The following CDH23 variants were observed in gnomAD, a reference collection of about 807,000 sequenced individuals.
The protein encoded by CDH23 is cadherin related 23.
A neutral mutation model predicts 317.1 loss-of-function variants in CDH23; 189 were observed. The ratio of observed to expected loss-of-function variants is 0.60; its 90% CI spans 0.53 to 0.67. The LOEUF (loss-of-function observed/expected upper bound fraction) is 0.67, where lower values mean the gene tolerates loss of function less well. Ranked by LOEUF, CDH23 falls within the 30% of genes least tolerant of loss-of-function variation. The pLI, the probability that CDH23 is intolerant of heterozygous loss-of-function variation, is 0.00. For missense variants in CDH23, 4,401 were observed against 4,592.4 expected (o/e 0.96, Z 1.20); for synonymous variants, 1,839 against 1,876.8 (o/e 0.98, Z 0.52).
chr10:71,784,162 C>T, intron 41 of CDH23, 125 bp from the exon 42 acceptor site: 4 of 1,006,318 alleles, frequency 4.0e-6, no homozygotes, highest in Non-Finnish European at 4.3e-6. Context: ...CACTGGAGGA[C>T]CCGGGCCCCA....
At chr10:71,451,964 C>T (rs370941348) in intron 3 of CDH23, among the ~76,000 whole-genome samples, 25 of 152,294 alleles carry the variant, frequency 1.6e-4, no homozygotes, top group African/African-American at 5.8e-4. Context: ...ATGTCGGGAG[C>T]GAGGTGTTGG....
Position 71,793,140 on chromosome 10 carries a change from G to A in CDH23, c.6254-42G>A, listed in dbSNP as rs12356672. ...TGTGTCTTGGTAGATCTTTCTGGAA[G>A]AGGCCACTGTGCGCAGCTACTCCCT... On this transcript the variant is annotated intron_variant, in intron 47 of 69. Transcript: ENST00000224721. 6 of 1,455,630 alleles carry A rather than the reference G, an allele frequency of 4.1e-6. No individual in the cohort carries two copies. The African/African-American group carries it at 4.2e-5, about 10-fold the overall frequency. The allele number at this position is 1,455,630 out of a possible 1,614,324, so 90.2% of individuals were successfully genotyped here.
chr10:71,695,290 A>G (rs1023509428), intron 21 of CDH23, 128 bp from the exon 22 acceptor site: 4 of 713,904 alleles, frequency 5.6e-6, no homozygotes, highest in African/African-American at 1.7e-5. Flanking sequence ...AAGGCTCCCA[A>G]GGTTGGTGGA....
At position 71,741,883 on chromosome 10, in the gene CDH23, G is replaced by T. The variant is rs578258738; in HGVS notation, c.4807G>T (p.Val1603Leu). The change falls in exon 38 of 70, where the codon GTG (valine) becomes TTG (leucine). Residue 1603 changes from valine to leucine, a missense_variant. Val to Leu is a conservative substitution (Grantham distance 32, BLOSUM62 1). Transcript: ENST00000224721. ...CGAGCGCCAGAGCTTCTACCACCTGGTGGCCACTGTGGAGGACGAGGGCAC... is the reference window on the plus strand; with the variant it reads ...CGAGCGCCAGAGCTTCTACCACCTGTTGGCCACTGTGGAGGACGAGGGCAC... ...DRERQSFYHL[V>L]ATVEDEGTPT... The T allele has an allele frequency of 2.5e-6, 4 of 1,608,778 alleles. No individual in the cohort carries two copies. The Admixed American group carries it at 6.7e-5, about 27-fold the overall frequency.
chr10:71,552,345 G>A (rs918936505), intron 6 of CDH23, among the ~76,000 whole-genome samples: 4 of 152,236 alleles, frequency 2.6e-5, no homozygotes, highest in Non-Finnish European at 5.9e-5. Flanking sequence ...GGCCTCTGGC[G>A]TCCTGGCTTA....
At chr10:71,695,847 G>A (rs555337192) in intron 22 of CDH23, among the ~76,000 whole-genome samples, 219 of 152,272 alleles carry the variant, frequency 1.4e-3, no homozygotes, top group African/African-American at 4.7e-3. Context: ...CCAGGACTCT[G>A]GCCACCCCCT....
At chr10:71,573,779 T>G (rs934383886) in intron 8 of CDH23, among the ~76,000 whole-genome samples, 7 of 152,216 alleles carry the variant, frequency 4.6e-5, no homozygotes, top group Admixed American at 3.9e-4. Context: ...GAAAAGGCAG[T>G]GCATTGAGGG....
chr10:71,473,123 G>C (rs1390685836), intron 3 of CDH23, among the ~76,000 whole-genome samples: 1 of 152,162 alleles, frequency 6.6e-6, no homozygotes, highest in Non-Finnish European at 1.5e-5. Context: ...CTGGTCACTT[G>C]GCAATAGCAC....
intron 1 of CDH23, among the ~76,000 whole-genome samples, chr10:71,426,543 G>A (rs979659700): frequency 2.0e-5 from 3 of 152,160 alleles, no homozygotes; most frequent in Admixed American, 2.0e-4. Context: ...TTTCTGGCTG[G>A]GAGTGAGAGG....
Position 71,645,709 on chromosome 10 carries a change from A to T in CDH23, c.1141-122A>T, listed in dbSNP as rs532434725. The T allele has an allele frequency of 7.9e-5, 88 of 1,108,544 alleles. 1 individual carries two copies. The South Asian group carries it at 1.0e-3, about 13-fold the overall frequency. 68.7% of individuals were successfully genotyped at this position (1,108,544 alleles called of 1,614,324 possible). ...AAGCCCTGCTCTGTCCCAGCGCCTC[A>T]TCCATTGCCCCAACCAAAGCAGCTC... On this transcript the variant is annotated intron_variant, in intron 12 of 69. Coordinates refer to ENST00000224721, the MANE Select transcript of CDH23 (RefSeq NM_022124.6).
rs761301469 is a variant in CDH23 at position 71,590,887 on chromosome 10, C to CA, written c.832+12904dup. Among the ~76,000 whole-genome samples the CA allele has an allele frequency of 1.6e-3, 150 of 92,774 alleles. 4 individuals are homozygous for CA. The South Asian group carries it at 0.021, about 13-fold the overall frequency. The allele number at this position is 92,774 out of a possible 152,430, so 60.9% of individuals were successfully genotyped here. On this transcript the variant is annotated intron_variant, in intron 9 of 69. Coordinates refer to ENST00000224721, the MANE Select transcript of CDH23 (RefSeq NM_022124.6). ...GACCCTGTCTCTAAAAAAAAAAAAACAAAAAAAAACAAAAAAAAACACCAG... is the reference window on the plus strand; with the variant it reads ...GACCCTGTCTCTAAAAAAAAAAAAACAAAAAAAAAACAAAAAAAAACACCAG...
intron 8 of CDH23, among the ~76,000 whole-genome samples, chr10:71,575,648 C>T (rs1397268289): frequency 6.6e-6 from 1 of 152,206 alleles, no homozygotes; most frequent in East Asian, 1.9e-4. Context: ...CGCACCCTGG[C>T]GCACACCCCA....
chr10:71,429,765 G>T (rs1849282087), intron 1 of CDH23, among the ~76,000 whole-genome samples: 1 of 152,352 alleles, frequency 6.6e-6, no homozygotes, highest in South Asian at 2.1e-4. Flanking sequence ...GAAGAAATCA[G>T]CTCACTGCCA....
At chr10:71,506,908 T>C (rs1233058322) in intron 3 of CDH23, among the ~76,000 whole-genome samples, 1 of 152,086 alleles carries the variant, frequency 6.6e-6, no homozygotes, top group Non-Finnish European at 1.5e-5. Context: ...GGAAAATGGA[T>C]AAAAGTCCGG....
intron 1 of CDH23, among the ~76,000 whole-genome samples, chr10:71,420,524 GTGATGATGA>G (rs1227240365): frequency 4.9e-5 from 1 of 20,356 alleles, no homozygotes; most frequent in Non-Finnish European, 1.3e-4. Context: ...GATGGTGAAG[GTGATGATGA>G]TGATGATGAT....
intron 30 of CDH23, among the ~76,000 whole-genome samples, chr10:71,726,269 AG>A (rs1470109037): frequency 2.0e-5 from 3 of 151,970 alleles, no homozygotes; most frequent in Non-Finnish European, 4.4e-5. Context: ...CAGGAGTAGG[AG>A]GGAGATGGGA....
chr10:71,645,303 C>G (rs547229351), intron 12 of CDH23, among the ~76,000 whole-genome samples: 47 of 152,318 alleles, frequency 3.1e-4, no homozygotes, highest in Admixed American at 2.0e-3. Flanking sequence ...TGGGTTATTC[C>G]CATTTCACAT....
intron 11 of CDH23, among the ~76,000 whole-genome samples, chr10:71,638,403 A>T (rs1239088996): frequency 6.6e-6 from 1 of 152,226 alleles, no homozygotes; most frequent in African/African-American, 2.4e-5. Flanking sequence ...AGAGCCAGAG[A>T]GACAAAGGAG....
intron 1 of CDH23, among the ~76,000 whole-genome samples, chr10:71,407,389 T>C (rs1207790489): frequency 2.0e-5 from 3 of 152,186 alleles, no homozygotes; most frequent in Non-Finnish European, 4.4e-5. Context: ...CTCCAGCATT[T>C]GGGCAGGGGA....
Sources: allele counts gnomAD v4.1 joint callset (sites outside exome capture counted in the v4.1 genomes callset), GRCh38; gene constraint gnomAD v4.1.1; transcripts MANE v1.5; gene names NCBI Gene and HGNC (gene_info 2026-07-23, HGNC 2026-07-21).